Variants in TBC1D19 observed in about 807,000 individuals in gnomAD.
TBC1D19 encodes TBC1 domain family, member 19.
A neutral mutation model predicts 89.0 loss-of-function variants in TBC1D19; 60 were observed. The observed-to-expected ratio is 0.67, with a 90% CI of 0.55 to 0.84. TBC1D19 has a LOEUF of 0.84. Ranked by LOEUF, TBC1D19 falls within the 40% of genes least tolerant of loss-of-function variation. The pLI, the probability that TBC1D19 is intolerant of heterozygous loss-of-function variation, is 0.00. For missense variants in TBC1D19, 500 were observed against 610.8 expected (o/e 0.82, Z 1.91); for synonymous variants, 189 against 199.7 (o/e 0.95, Z 0.45).
At chr4:26,817,292 G>A in the TBC1D19 span, among the ~76,000 whole-genome samples, 15 of 151,338 alleles carry the variant, frequency 9.9e-5, no homozygotes, top group African/African-American at 2.4e-4. Flanking sequence ...CCCGCACCCC[G>A]CCGGCAGCTT....
the TBC1D19 span, among the ~76,000 whole-genome samples, chr4:26,850,540 CA>C: frequency 4.7e-3 from 422 of 90,396 alleles, 4 homozygotes; most frequent in African/African-American, 0.019. Context: ...GACCCTGTCT[CA>C]AAAAAAAAAA....
chr4:26,717,307 C>T (rs1386276860), intron 13 of TBC1D19, among the ~76,000 whole-genome samples: 1 of 151,982 alleles, frequency 6.6e-6, no homozygotes. Context: ...GACTGCTGCT[C>T]CCAAATTCCA....
the TBC1D19 span, among the ~76,000 whole-genome samples, chr4:26,823,208 T>C: frequency 6.6e-6 from 1 of 152,140 alleles, no homozygotes; most frequent in Non-Finnish European, 1.5e-5. Context: ...ATTTTTAAAA[T>C]CATCAGATCT....
At chr4:26,758,729 T>G (rs1423346440), downstream of TBC1D19, among the ~76,000 whole-genome samples, 3 of 152,216 alleles carry the variant, frequency 2.0e-5, no homozygotes, top group Non-Finnish European at 1.5e-5. Flanking sequence ...AGTCTACCTC[T>G]GGACTATTTT....
the TBC1D19 span, among the ~76,000 whole-genome samples, chr4:26,828,829 G>A: frequency 9.8e-5 from 15 of 152,342 alleles, 1 homozygote; most frequent in African/African-American, 3.1e-4. Context: ...TGTGTTTAAC[G>A]TTAGCCCTTA....
In TBC1D19 at chr4:26,735,465, T is replaced by A; in HGVS notation, c.1095T>A (p.Pro365=). Residue 365 remains proline (P), a synonymous_variant, in exon 16 of 21, where the codon CCT becomes CCA. Transcript: ENST00000264866. The part of the protein sequence containing the change: ...AVFYPPNGVI[P]FHGFSMYVAP... ...CCTTTTTTTTTTTAGGTGTTATCCCTTTTCATGGATTTTCAATGTATGGTA... is the reference window on the plus strand; with the variant it reads ...CCTTTTTTTTTTTAGGTGTTATCCCATTTCATGGATTTTCAATGTATGGTA... 1 of 1,557,010 alleles carries A rather than the reference T, an allele frequency of 6.4e-7. No individual in the cohort carries two copies. The highest frequency in any genetic ancestry group is 8.7e-7 in the Non-Finnish European group (1 of 1,145,416).
At chr4:26,782,431 G>A in the TBC1D19 span, among the ~76,000 whole-genome samples, 3 of 152,110 alleles carry the variant, frequency 2.0e-5, no homozygotes, top group African/African-American at 4.8e-5. Flanking sequence ...GGTGCACTGG[G>A]GTTTTCTTAT....
At chr4:26,850,415 G>A in the TBC1D19 span, among the ~76,000 whole-genome samples, 1 of 151,584 alleles carries the variant, frequency 6.6e-6, no homozygotes, top group African/African-American at 2.4e-5. Context: ...AGGCTTGGTG[G>A]CACACGCCTG....
At chr4:26,668,254 A>C (rs1711986340) in intron 9 of TBC1D19, among the ~76,000 whole-genome samples, 1 of 151,992 alleles carries the variant, frequency 6.6e-6, no homozygotes, top group Admixed American at 6.6e-5. Flanking sequence ...CACAGCCTTG[A>C]GTTATATTTT....
At chr4:26,841,222 A>G in the TBC1D19 span, among the ~76,000 whole-genome samples, 1 of 152,184 alleles carries the variant, frequency 6.6e-6, no homozygotes, top group East Asian at 1.9e-4. Flanking sequence ...AAAATTCTCT[A>G]CCAAAAATAC....
the TBC1D19 span, among the ~76,000 whole-genome samples, chr4:26,761,904 A>T: frequency 1.3e-5 from 2 of 152,192 alleles, no homozygotes; most frequent in African/African-American, 2.4e-5. Flanking sequence ...AGGTGGGCGG[A>T]TCACTTGAGA....
intron 15 of TBC1D19, among the ~76,000 whole-genome samples, chr4:26,723,542 G>T (rs1356211987): frequency 6.6e-5 from 10 of 152,110 alleles, no homozygotes; most frequent in Admixed American, 2.6e-4. Flanking sequence ...CCTTCCCTGG[G>T]AGGGAAATGA....
At chr4:26,787,491 G>A in the TBC1D19 span, among the ~76,000 whole-genome samples, 1 of 152,136 alleles carries the variant, frequency 6.6e-6, no homozygotes, top group Non-Finnish European at 1.5e-5. Context: ...GGACCGGATG[G>A]AGATGGATGG....
chr4:26,634,701 C>T (rs1686384), intron 4 of TBC1D19, among the ~76,000 whole-genome samples: 94 of 151,900 alleles, frequency 6.2e-4, no homozygotes, highest in African/African-American at 2.2e-4. Flanking sequence ...GTATACTTTA[C>T]GGTAGGAAAT....
chr4:26,670,319 A>C (rs2064796448), intron 9 of TBC1D19, among the ~76,000 whole-genome samples: 1 of 151,392 alleles, frequency 6.6e-6, no homozygotes, highest in South Asian at 2.1e-4. Flanking sequence ...TACTTCAGAA[A>C]TATTAGGACT....
At chr4:26,599,757 G>T (rs948594948) in intron 1 of TBC1D19, among the ~76,000 whole-genome samples, 2 of 151,890 alleles carry the variant, frequency 1.3e-5, no homozygotes, top group Non-Finnish European at 2.9e-5. Context: ...ACCAGCCTGG[G>T]CAACACAGTG....
chr4:26,765,274 T>C, the TBC1D19 span, among the ~76,000 whole-genome samples: 1 of 152,152 alleles, frequency 6.6e-6, no homozygotes, highest in Admixed American at 6.5e-5. Flanking sequence ...AGGTTGGTGC[T>C]GAAGCACTTT....
chr4:26,629,597 C>A (rs187981549), intron 4 of TBC1D19, among the ~76,000 whole-genome samples: 292 of 152,048 alleles, frequency 1.9e-3, no homozygotes, highest in African/African-American at 6.7e-3. Context: ...ACTTCTAGAA[C>A]CTTGTATAAA....
At chr4:26,605,346 T>A (rs1740924317) in intron 1 of TBC1D19, among the ~76,000 whole-genome samples, 1 of 150,886 alleles carries the variant, frequency 6.6e-6, no homozygotes, top group South Asian at 2.1e-4. Context: ...GAATGATGAT[T>A]TCCAATTTCA....
Sources: allele counts gnomAD v4.1 joint callset (sites outside exome capture counted in the v4.1 genomes callset), GRCh38; gene constraint gnomAD v4.1.1; transcripts MANE v1.5; gene names NCBI Gene and HGNC (gene_info 2026-07-23, HGNC 2026-07-21).